The following ALDH7A1 variants were observed in gnomAD, a reference collection of about 807,000 sequenced individuals.
ALDH7A1 encodes aldehyde dehydrogenase 7 family member A1, also known as alpha-aminoadipic semialdehyde dehydrogenase.
In ALDH7A1, 63 loss-of-function variants were observed where a neutral mutation model predicts 79.9. The observed-to-expected ratio is 0.79, with a 90% CI of 0.64 to 0.97. The LOEUF (loss-of-function observed/expected upper bound fraction) is 0.97. Ranked by LOEUF, ALDH7A1 falls within the 50% of genes least tolerant of loss-of-function variation. The pLI, the probability that ALDH7A1 is intolerant of heterozygous loss-of-function variation, is 0.00. For missense variants in ALDH7A1, 627 were observed against 665.2 expected, an observed-to-expected ratio of 0.94 and a Z score of 0.63; for synonymous variants, 240 against 231.2, an observed-to-expected ratio of 1.04 and a Z score of -0.34.
chr5:126,563,402 G>T (rs1437043219), intron 9 of ALDH7A1, among the ~76,000 whole-genome samples: 2 of 152,114 alleles, frequency 1.3e-5, no homozygotes, highest in East Asian at 3.8e-4. Flanking sequence ...CTCCAGTGTT[G>T]AATATATTTG....
In ALDH7A1 at chr5:126,552,013, A is replaced by G; in HGVS notation, c.1317+8T>C. On this transcript the variant is annotated splice_region_variant and intron_variant, in intron 14 of 17. Transcript: ENST00000409134. ...AACATCAGGCTAGCGAACAGAATGC[A>G]TTTTTACCTTGAATTTAAAGACATA... The G allele has an allele frequency of 6.2e-7, 1 of 1,602,352 alleles. No individual in the cohort carries two copies. Among genetic ancestry groups the G allele is most frequent in the Non-Finnish European group, 8.5e-7 (1 of 1,170,350 alleles).
intron 7 of ALDH7A1, 193 bp from the exon 8 acceptor site, chr5:126,571,052 AC>A (rs1480854362): frequency 6.9e-6 from 4 of 581,418 alleles, no homozygotes; most frequent in Admixed American, 2.5e-5. Context: ...AACATTAAGA[AC>A]CCTCTTATAC....
At chr5:126,587,043 C>T in intron 3 of ALDH7A1, 1 of 151,858 alleles carries the variant, frequency 6.6e-6, no homozygotes, top group Non-Finnish European at 1.5e-5. Context: ...CGCACCACTG[C>T]ACTCCAGCCT....
chr5:126,566,435 T>C (rs1210452957), intron 9 of ALDH7A1, among the ~76,000 whole-genome samples: 1 of 152,258 alleles, frequency 6.6e-6, no homozygotes, highest in Non-Finnish European at 1.5e-5. Flanking sequence ...TCTTGAGTCC[T>C]GCAACCTTGC....
chr5:126,584,389 T>C (rs1031903965), intron 3 of ALDH7A1: 8 of 288,900 alleles, frequency 2.8e-5, no homozygotes, highest in Admixed American at 2.0e-4. Flanking sequence ...AGGCTGGGCG[T>C]GGTGGCTCAC....
chr5:126,564,595 G>C (rs535300351), intron 9 of ALDH7A1: 1 of 1,245,834 alleles, frequency 8.0e-7, no homozygotes, highest in African/African-American at 1.5e-5. Flanking sequence ...CCATTGCTCT[G>C]AAACAGGTAA....
intron 3 of ALDH7A1, among the ~76,000 whole-genome samples, chr5:126,584,659 C>CAAAA (rs35736560): frequency 1.6e-5 from 1 of 62,228 alleles, no homozygotes. Context: ...CACTCCATCT[C>CAAAA]AAAAAAAAAA....
intron 3 of ALDH7A1, chr5:126,584,340 G>A (rs1319135890): frequency 2.9e-6 from 1 of 340,688 alleles, no homozygotes; most frequent in Non-Finnish European, 5.5e-6. Context: ...AAGATTGGAG[G>A]GGAAATGGGT....
rs551773096 is a variant in ALDH7A1, at chr5:126,582,926, G to C, written c.442C>G (p.Gln148Glu). The C allele has an allele frequency of 4.5e-5, 73 of 1,613,730 alleles. No homozygotes were observed. The South Asian group carries it at 7.6e-4, about 17-fold the overall frequency. The change falls in exon 5 of 18, where the codon CAG becomes GAG. Residue 148 changes from glutamine to glutamate, a missense_variant. Physicochemically the swap from Gln to Glu is conservative, Grantham distance 29 (BLOSUM62 2). Transcript: ENST00000409134. ...TAGTCACAGATATCCACATACTCCT[G>C]AACTTCACCCACACCTTCCACTAAG... ...KILVEGVGEV[Q>E]EYVDICDYAV...
intron 10 of ALDH7A1, among the ~76,000 whole-genome samples, chr5:126,559,612 T>C (rs1238973915): frequency 4.6e-5 from 7 of 152,068 alleles, no homozygotes; most frequent in African/African-American, 1.7e-4. Flanking sequence ...TTTGTCTTTT[T>C]AGTAGCAATG....
At chr5:126,562,861 A>G (rs1422192165) in intron 9 of ALDH7A1, among the ~76,000 whole-genome samples, 1 of 152,122 alleles carries the variant, frequency 6.6e-6, no homozygotes, top group African/African-American at 2.4e-5. Flanking sequence ...CCTTGTAGAC[A>G]TTATGTTAAG....
chr5:126,574,023 CA>C (rs34601459), intron 7 of ALDH7A1, among the ~76,000 whole-genome samples: 1,990 of 57,202 alleles, frequency 0.035, 11 homozygotes, highest in Non-Finnish European at 0.05. Flanking sequence ...AAGACTGTCT[CA>C]AAAAAAAAAA....
intron 1 of ALDH7A1, chr5:126,593,869 C>T: frequency 3.7e-6 from 1 of 272,676 alleles, no homozygotes; most frequent in South Asian, 3.9e-5. Context: ...GCTAAAAAGG[C>T]CTCCAAGAGC....
intron 9 of ALDH7A1, chr5:126,564,724 A>G (rs781185598): frequency 4.3e-5 from 19 of 444,904 alleles, no homozygotes; most frequent in Non-Finnish European, 6.8e-5. Context: ...TGGCTATAGC[A>G]TAGCGCTATG....
intron 1 of ALDH7A1, chr5:126,593,884 T>C (rs538461078): frequency 7.2e-6 from 2 of 276,982 alleles, no homozygotes; most frequent in East Asian, 9.1e-5. Flanking sequence ...AAGAGCCTAA[T>C]GATCAGATAC....
intron 17 of ALDH7A1, 81 bp downstream of exon 17, chr5:126,546,243 C>T (rs1326350903): frequency 6.4e-6 from 8 of 1,251,998 alleles, no homozygotes; most frequent in Non-Finnish European, 9.4e-6. Context: ...TGCACAAAGA[C>T]AGCACAGACA....
chr5:126,564,840 T>C (rs1179078411), intron 9 of ALDH7A1, among the ~76,000 whole-genome samples: 2 of 152,200 alleles, frequency 1.3e-5, no homozygotes. Flanking sequence ...GGATCTATAC[T>C]TTCTACATCC....
chr5:126,552,782 C>T (rs1750048913), intron 13 of ALDH7A1, among the ~76,000 whole-genome samples: 1 of 149,794 alleles, frequency 6.7e-6, no homozygotes, highest in Non-Finnish European at 1.5e-5. Flanking sequence ...TTTGGTCTTG[C>T]TTTGTTGTCC....
chr5:126,570,640 C>A, intron 8 of ALDH7A1, 142 bp downstream of exon 8: 1 of 839,696 alleles, frequency 1.2e-6, no homozygotes, highest in Non-Finnish European at 2.0e-6. Context: ...AATAAGAACC[C>A]AACAAAGTCC....
Sources: gnomAD v4.1 joint callset for allele counts (sites outside exome capture counted in the v4.1 genomes callset) on GRCh38, gnomAD v4.1.1 for gene constraint, MANE v1.5 for transcripts, NCBI Gene and HGNC (gene_info 2026-07-23, HGNC 2026-07-21) for gene names.